Variants in MAB21L4 observed in about 807,000 individuals in gnomAD.
The protein encoded by MAB21L4 is mab-21 like 4.
MAB21L4 carries 25 observed loss-of-function variants against 32.4 expected under a neutral mutation model. That is an observed-to-expected ratio of 0.77 (90% CI 0.56 to 1.08). The LOEUF (loss-of-function observed/expected upper bound fraction) is 1.08. Among genes scored for constraint, MAB21L4 ranks in the 50% least tolerant of loss-of-function variants. MAB21L4 has a pLI of 0.00. For synonymous variants in MAB21L4, 280 were observed against 276.8 expected (o/e 1.01, Z -0.11); for missense variants, 638 against 611.0 (o/e 1.04, Z -0.47).
At chr2:240,894,199 C>A (rs1213586595) in intron 1 of MAB21L4, among the ~76,000 whole-genome samples, 1 of 151,946 alleles carries the variant, frequency 6.6e-6, no homozygotes, top group East Asian at 1.9e-4. Flanking sequence ...ATCATGGCCT[C>A]TCGCGAAGGT....
intron 2 of MAB21L4, 123 bp downstream of exon 2, chr2:240,891,415 C>T: frequency 1.1e-6 from 1 of 885,590 alleles, no homozygotes; most frequent in Non-Finnish European, 1.7e-6. Context: ...CACACATGCC[C>T]ATGGGGGCAG....
At chr2:240,889,808 G>A (rs868517387) in intron 3 of MAB21L4, among the ~76,000 whole-genome samples, 197 bp downstream of exon 3, 21 of 152,334 alleles carry the variant, frequency 1.4e-4, no homozygotes, top group South Asian at 4.1e-4. Flanking sequence ...CACGGCACCC[G>A]CGGCCACATT....
At chr2:240,889,960 CT>C in intron 3 of MAB21L4, 44 bp downstream of exon 3, 2 of 1,573,660 alleles carry the variant, frequency 1.3e-6, no homozygotes, top group Non-Finnish European at 1.7e-6. Context: ...GCACCTACCC[CT>C]GGGCCCTGGT....
intron 3 of MAB21L4, among the ~76,000 whole-genome samples, chr2:240,889,067 A>G (rs1336305362): frequency 6.6e-6 from 1 of 151,980 alleles, no homozygotes; most frequent in African/African-American, 2.4e-5. Flanking sequence ...CTGTGTGCTC[A>G]TGACCCCTGG....
intron 2 of MAB21L4, 127 bp downstream of exon 2, chr2:240,891,411 T>G: frequency 1.2e-6 from 1 of 847,858 alleles, no homozygotes; most frequent in Non-Finnish European, 1.8e-6. Flanking sequence ...GGAACACACA[T>G]GCCCATGGGG....
Position 240,895,664 on chromosome 2 carries a change from C to G in MAB21L4, c.334G>C (p.Gly112Arg), listed in dbSNP as rs1023889045. ...PEDGLELCHLGVPREGAGLER... is the reference protein window; with the variant it reads ...PEDGLELCHLRVPREGAGLER... ...AGGCCAGCCCCTTCCCTGGGCACAC[C>G]CAGGTGGCATAATTCAAGGCCATCC... Residue 112 changes from glycine to arginine, a missense_variant, in exon 1 of 5, where the codon GGT (glycine) becomes CGT (arginine). Coordinates refer to ENST00000388934, the MANE Select transcript of MAB21L4 (RefSeq NM_001085437.3). The G allele has an allele frequency of 6.2e-7, 1 of 1,612,830 alleles. No homozygotes were observed. The highest frequency in any genetic ancestry group is 1.3e-5 in the African/African-American group (1 of 74,932).
At chr2:240,895,088 GC>G (rs1349229679) in intron 1 of MAB21L4, among the ~76,000 whole-genome samples, 1 of 152,216 alleles carries the variant, frequency 6.6e-6, no homozygotes, top group African/African-American at 2.4e-5. Flanking sequence ...TGGCAAGAGA[GC>G]CGCCTGCCCA....
chr2:240,892,093 ACCCCAGGACCACG>A, intron 1 of MAB21L4: 1 of 1,398,018 alleles, frequency 7.2e-7, no homozygotes, highest in Non-Finnish European at 9.3e-7. Context: ...CTCACCCCAC[ACCCCAGGACCACG>A]CCTGCTGTGC....
chr2:240,896,489 C>T (rs1284322328), upstream of MAB21L4, among the ~76,000 whole-genome samples: 1 of 152,120 alleles, frequency 6.6e-6, no homozygotes, highest in Non-Finnish European at 1.5e-5. Context: ...CCCAGCCTCC[C>T]TGCCAGGTTG....
intron 1 of MAB21L4, among the ~76,000 whole-genome samples, chr2:240,893,644 G>A (rs895590486): frequency 6.6e-6 from 1 of 152,138 alleles, no homozygotes; most frequent in Non-Finnish European, 1.5e-5. Flanking sequence ...TGAGTGTCAG[G>A]AAACGATGCC....
At chr2:240,889,800 C>T (rs1402038918) in intron 3 of MAB21L4, among the ~76,000 whole-genome samples, 1 of 152,210 alleles carries the variant, frequency 6.6e-6, no homozygotes, top group East Asian at 1.9e-4. Flanking sequence ...TGCGGCACCA[C>T]GGCACCCGCG....
intron 2 of MAB21L4, among the ~76,000 whole-genome samples, chr2:240,890,666 A>G (rs1390991497): frequency 6.6e-6 from 1 of 152,206 alleles, no homozygotes; most frequent in African/African-American, 2.4e-5. Context: ...ATGCACCCTC[A>G]TGGGCCCACC....
chr2:240,894,218 C>G lies in MAB21L4; in HGVS notation c.514+1266G>C, dbSNP rs977098424. ...TGGCCTCTCGCGAAGGTGAGCTGAC[C>G]CCACCCGCTGACCTCACGGAGGACA... On this transcript the variant is annotated intron_variant, in intron 1 of 4. Coordinates refer to ENST00000388934, the MANE Select transcript of MAB21L4 (RefSeq NM_001085437.3). 2.0e-5 allele frequency among the ~76,000 whole-genome samples: 3 copies of G among 151,938 alleles called. No individual in the cohort carries two copies. In the East Asian group the frequency reaches 5.8e-4, roughly 29 times the overall value.
chr2:240,888,420 TGCGCAGGGCCGCCTCGGGCTGGCTG>T lies in MAB21L4; in HGVS notation c.1098_1122del (p.Gln368ThrfsTer157). The T allele has an allele frequency of 6.4e-7, 1 of 1,559,460 alleles. No individual in the cohort carries two copies. The highest frequency in any genetic ancestry group is 8.7e-7 in the Non-Finnish European group (1 of 1,155,358). ...CTGCGGCCCAGGTGGGTGGCGTGGA[TGCGCAGGGCCGCCTCGGGCTGGCTG>T]GCGAAGCCCTCCACGCGCTGGTAGA... On this transcript the variant is annotated frameshift_variant, in exon 4 of 5. Transcript: ENST00000388934. LOFTEE classifies it high-confidence loss of function.
At chr2:240,887,323 C>T (rs924681703) in intron 4 of MAB21L4, among the ~76,000 whole-genome samples, 161 bp from the exon 5 acceptor site, 2 of 152,340 alleles carry the variant, frequency 1.3e-5, no homozygotes, top group Non-Finnish European at 2.9e-5. Context: ...AGAGGCGGAG[C>T]GGCCCCAGCC....
rs1257511099 is a variant in MAB21L4, at chr2:240,890,089, G to A, written c.810C>T (p.Asp270=). The change falls in exon 3 of 5, where the codon GAC becomes GAT. Residue 270 remains aspartate, a synonymous_variant. Transcript: ENST00000388934. The part of the protein sequence containing the change: ...ELGSLQGHRL[D]SLSILDRVNH... Reference sequence around the variant, plus strand: ...TGACCCGGTCGAGGATGGAGAGGCTGTCCAGGCGATGACCCTGCAGGGAGC... The same window carrying A: ...TGACCCGGTCGAGGATGGAGAGGCTATCCAGGCGATGACCCTGCAGGGAGC... 2.5e-6 allele frequency: 4 copies of A among 1,613,184 alleles called. No homozygotes were observed. Among genetic ancestry groups the A allele is most frequent in the Non-Finnish European group, 3.4e-6 (4 of 1,179,748 alleles).
At chr2:240,887,878 G>A (rs952802411) in intron 4 of MAB21L4, among the ~76,000 whole-genome samples, 17 of 152,118 alleles carry the variant, frequency 1.1e-4, no homozygotes, top group Non-Finnish European at 1.9e-4. Flanking sequence ...CAAGGAGCAC[G>A]GCTGTGGATT....
At chr2:240,888,111 G>A (rs549791760) in intron 4 of MAB21L4, among the ~76,000 whole-genome samples, 181 bp downstream of exon 4, 22 of 152,260 alleles carry the variant, frequency 1.4e-4, no homozygotes, top group South Asian at 4.2e-4. Flanking sequence ...GGACCCCCAC[G>A]GCCCGTGTGA....
Position 240,886,938 on chromosome 2 carries a change from G to C in MAB21L4, c.*132C>G. The C allele has an allele frequency of 1.5e-6, 1 of 676,194 alleles. No homozygotes were observed. The highest frequency in any genetic ancestry group is 2.5e-6 in the Non-Finnish European group (1 of 397,514). 41.9% of individuals were successfully genotyped at this position (676,194 alleles called of 1,614,324 possible). On this transcript the variant is annotated 3_prime_UTR_variant, in exon 5 of 5. Coordinates refer to ENST00000388934, the MANE Select transcript of MAB21L4 (RefSeq NM_001085437.3). ...AAAGACTCTCAGAGGCCACTGCTGG[G>C]GACAAAATCCCTCCACTACCCCCTC...
Sources: allele counts gnomAD v4.1 joint callset (sites outside exome capture counted in the v4.1 genomes callset), GRCh38; gene constraint gnomAD v4.1.1; transcripts MANE v1.5; gene names NCBI Gene and HGNC (gene_info 2026-07-23, HGNC 2026-07-21).